DLGAP1: variants seen among roughly 807,000 people sequenced by gnomAD.
DLGAP1 encodes disks large-associated protein 1.
DLGAP1 carries 11 observed loss-of-function variants against 90.8 expected under a neutral mutation model. That is an observed-to-expected ratio of 0.12 (90% CI 0.08 to 0.20). The LOEUF (loss-of-function observed/expected upper bound fraction) is 0.20. DLGAP1 is among the 10% of genes least tolerant of loss of function. The pLI is 1.00. For synonymous variants in DLGAP1, 558 were observed against 540.7 expected (o/e 1.03, Z -0.44); for missense variants, 1,050 against 1,333.8 (o/e 0.79, Z 3.31).
At chr18:4,273,718 A>G (rs2079338330) in intron 1 of DLGAP1, among the ~76,000 whole-genome samples, 1 of 152,252 alleles carries the variant, frequency 6.6e-6, no homozygotes, top group Non-Finnish European at 1.5e-5. Flanking sequence ...TACAGGCGTG[A>G]GCCACTGTGC....
At chr18:3,764,866 G>A (rs944136482) in intron 5 of DLGAP1, among the ~76,000 whole-genome samples, 1 of 152,048 alleles carries the variant, frequency 6.6e-6, no homozygotes, top group African/African-American at 2.4e-5. Flanking sequence ...TTTTGTTCTA[G>A]GTTGAGCTTA....
intron 5 of DLGAP1, among the ~76,000 whole-genome samples, chr18:3,810,215 T>C (rs1379453730): frequency 1.3e-5 from 2 of 152,148 alleles, no homozygotes; most frequent in Non-Finnish European, 2.9e-5. Flanking sequence ...TGGACTTCAT[T>C]GTCTCAAAAC....
At chr18:4,037,623 G>A (rs2074910240) in intron 2 of DLGAP1, among the ~76,000 whole-genome samples, 1 of 152,168 alleles carries the variant, frequency 6.6e-6, no homozygotes, top group Non-Finnish European at 1.5e-5. Context: ...TCCCCAGATT[G>A]AAACTCTGGA....
At chr18:4,362,621 T>G (rs115952395) in intron 1 of DLGAP1, among the ~76,000 whole-genome samples, 1,918 of 152,222 alleles carry the variant, frequency 0.013, 20 homozygotes, top group African/African-American at 0.029. Context: ...AGAGTTTCAG[T>G]TTTGCAAGAT....
chr18:4,173,974 C>T (rs1268904418), intron 1 of DLGAP1, among the ~76,000 whole-genome samples: 3 of 152,156 alleles, frequency 2.0e-5, no homozygotes, highest in Non-Finnish European at 4.4e-5. Context: ...ACATAAGTTC[C>T]ACCTTCTGCA....
At chr18:3,613,096 C>T (rs1245737560) in intron 7 of DLGAP1, among the ~76,000 whole-genome samples, 1 of 152,134 alleles carries the variant, frequency 6.6e-6, no homozygotes, top group Non-Finnish European at 1.5e-5. Context: ...CCTCGGCTTC[C>T]CAAAGTGCTG....
In DLGAP1 at chr18:3,661,571, C is replaced by CTTTTTTTTTTT. The variant is rs10549959; in HGVS notation, c.1591+67553_1591+67563dup. 1.5e-3 allele frequency among the ~76,000 whole-genome samples: 193 copies of CTTTTTTTTTTT among 125,230 alleles called. 2 individuals carry two copies. Among genetic ancestry groups the CTTTTTTTTTTT allele is most frequent in the African/African-American group, 5.3e-3 (186 of 34,966 alleles). The allele number at this position is 125,230 out of a possible 152,430, so 82.2% of individuals were successfully genotyped here. On this transcript the variant is annotated intron_variant, in intron 7 of 12. Coordinates refer to ENST00000315677, the MANE Select transcript of DLGAP1 (RefSeq NM_004746.4). ...AGGCAGAGGGAAGAAGCTGTAAGGT[C>CTTTTTTTTTTT]TTTTTTTTTTTTTTTTTTTTTTTGA...
chr18:4,109,170 TC>T (rs2075925120), intron 2 of DLGAP1, among the ~76,000 whole-genome samples: 1 of 151,836 alleles, frequency 6.6e-6, no homozygotes, highest in Non-Finnish European at 1.5e-5. Context: ...CAACTGGCAC[TC>T]GGGGTGTCCT....
chr18:3,810,705 AAGAC>A (rs1484781079), intron 5 of DLGAP1, among the ~76,000 whole-genome samples: 4 of 152,224 alleles, frequency 2.6e-5, no homozygotes, highest in South Asian at 2.1e-4. Context: ...CAAGGAATGA[AAGAC>A]AGAATTGATT....
chr18:4,364,008 A>G (rs2081695183), intron 1 of DLGAP1, among the ~76,000 whole-genome samples: 1 of 151,872 alleles, frequency 6.6e-6, no homozygotes, highest in African/African-American at 2.4e-5. Flanking sequence ...AACCAACCCA[A>G]ATGTCCAACA....
intron 8 of DLGAP1, among the ~76,000 whole-genome samples, chr18:3,574,384 C>A (rs1010613466): frequency 7.2e-5 from 11 of 152,224 alleles, no homozygotes; most frequent in African/African-American, 2.4e-4. Flanking sequence ...ACTATGGCCA[C>A]AGCCCATAGT....
chr18:3,846,952 A>C (rs1445525121), intron 4 of DLGAP1, among the ~76,000 whole-genome samples: 1 of 152,202 alleles, frequency 6.6e-6, no homozygotes, highest in African/African-American at 2.4e-5. Context: ...TCACAATAAA[A>C]TTTATTTTAA....
At chr18:3,948,355 T>TC (rs1568314538) in intron 3 of DLGAP1, among the ~76,000 whole-genome samples, 1 of 151,772 alleles carries the variant, frequency 6.6e-6, no homozygotes, top group African/African-American at 2.4e-5. Context: ...AGATGCTGGA[T>TC]CCCCCTTCCT....
At chr18:4,340,945 G>A (rs940382414) in intron 1 of DLGAP1, among the ~76,000 whole-genome samples, 1 of 145,272 alleles carries the variant, frequency 6.9e-6, no homozygotes, top group African/African-American at 2.6e-5. Context: ...AATTATATAA[G>A]GAAAATTCAC....
intron 1 of DLGAP1, among the ~76,000 whole-genome samples, chr18:4,210,638 G>A (rs867762884): frequency 5.3e-5 from 8 of 152,102 alleles, no homozygotes; most frequent in African/African-American, 2.4e-5. Flanking sequence ...AGAGGACGAT[G>A]GCCTCTCGGA....
At position 3,848,127 on chromosome 18, in the gene DLGAP1, C is replaced by CA. The variant is rs3862177; in HGVS notation, c.957+30984dup. On this transcript the variant is annotated intron_variant, in intron 4 of 12. Coordinates refer to ENST00000315677, the MANE Select transcript of DLGAP1 (RefSeq NM_004746.4). ...TGGATGATGGAGCAAGGCCCCGTCTCAAAAAAAAAAAAAAAAAAAAAAAAA... is the reference window on the plus strand; with the variant it reads ...TGGATGATGGAGCAAGGCCCCGTCTCAAAAAAAAAAAAAAAAAAAAAAAAAA... 3.0e-3 allele frequency among the ~76,000 whole-genome samples: 97 copies of CA among 32,078 alleles called. 10 individuals are homozygous for CA. The highest frequency in any genetic ancestry group is 7.4e-3 in the African/African-American group (43 of 5,830). 21.0% of individuals were successfully genotyped at this position (32,078 alleles called of 152,430 possible).
chr18:4,211,515 A>G (rs1315315011), intron 1 of DLGAP1, among the ~76,000 whole-genome samples: 1 of 152,180 alleles, frequency 6.6e-6, no homozygotes, highest in Non-Finnish European at 1.5e-5. Flanking sequence ...AGTGATACCA[A>G]TTGATGTTGT....
intron 7 of DLGAP1, among the ~76,000 whole-genome samples, chr18:3,687,399 A>G (rs770620641): frequency 2.0e-5 from 3 of 152,190 alleles, no homozygotes; most frequent in Non-Finnish European, 2.9e-5. Context: ...AAAAGAATTA[A>G]CGATAATACC....
chr18:4,040,739 G>A lies in DLGAP1; in HGVS notation c.-158-35538C>T, dbSNP rs143423644. ...AAGACAATGTCTTGGAAGCTGACATGTGAACGTGAAAATCTGCTACAAGCA... is the reference window on the plus strand; with the variant it reads ...AAGACAATGTCTTGGAAGCTGACATATGAACGTGAAAATCTGCTACAAGCA... On this transcript the variant is annotated intron_variant, in intron 2 of 12. Coordinates refer to ENST00000315677, the MANE Select transcript of DLGAP1 (RefSeq NM_004746.4). Among the ~76,000 whole-genome samples, 321 of 152,326 alleles carry A rather than the reference G, an allele frequency of 2.1e-3. 1 individual carries two copies. The highest frequency in any genetic ancestry group is 3.9e-3 in the South Asian group (19 of 4,834).
Sources: allele counts gnomAD v4.1 joint callset (sites outside exome capture counted in the v4.1 genomes callset), GRCh38; gene constraint gnomAD v4.1.1; transcripts MANE v1.5; gene names NCBI Gene and HGNC (gene_info 2026-07-23, HGNC 2026-07-21).